Variants in FHOD3 observed in about 807,000 individuals in gnomAD.
The protein encoded by FHOD3 is formin homology 2 domain containing 3, also known as FH1/FH2 domain-containing protein 3.
Under a neutral mutation model 173.0 loss-of-function variants are expected in FHOD3, and 90 were observed. The observed-to-expected ratio is 0.52, with a 90% CI of 0.44 to 0.62. The LOEUF is 0.62. Ranked by LOEUF, FHOD3 falls within the 20% of genes least tolerant of loss-of-function variation. FHOD3 has a pLI of 0.00. For synonymous variants in FHOD3, 828 were observed against 823.0 expected, an observed-to-expected ratio of 1.01 and a Z score of -0.10; for missense variants, 1,945 against 2,034.7, an observed-to-expected ratio of 0.96 and a Z score of 0.85.
chr18:36,525,139 A>G (rs1297545049), intron 5 of FHOD3, among the ~76,000 whole-genome samples: 1 of 152,148 alleles, frequency 6.6e-6, no homozygotes, highest in Non-Finnish European at 1.5e-5. Flanking sequence ...ATATTATGGA[A>G]CCATGATTAG....
intron 5 of FHOD3, among the ~76,000 whole-genome samples, chr18:36,559,264 A>G (rs888211139): frequency 1.3e-5 from 2 of 152,074 alleles, no homozygotes; most frequent in Admixed American, 1.3e-4. Flanking sequence ...ACGACCCACA[A>G]CTGACTACTC....
chr18:36,463,152 C>T (rs1231839710), intron 3 of FHOD3, among the ~76,000 whole-genome samples: 1 of 151,778 alleles, frequency 6.6e-6, no homozygotes, highest in Non-Finnish European at 1.5e-5. Context: ...CACATATTAA[C>T]TAATTTAGAT....
intron 6 of FHOD3, among the ~76,000 whole-genome samples, chr18:36,576,872 G>C (rs1227430442): frequency 6.6e-6 from 1 of 152,204 alleles, no homozygotes; most frequent in Non-Finnish European, 1.5e-5. Context: ...CAAGGCCAAA[G>C]CGGGTGGATC....
chr18:36,556,053 G>T (rs2057867333), intron 5 of FHOD3, among the ~76,000 whole-genome samples: 1 of 151,948 alleles, frequency 6.6e-6, no homozygotes, highest in Admixed American at 6.6e-5. Flanking sequence ...ATATGGTTAG[G>T]TTTAAACCTG....
intron 27 of FHOD3, among the ~76,000 whole-genome samples, chr18:36,768,872 C>T (rs760603374): frequency 3.3e-5 from 5 of 152,228 alleles, no homozygotes; most frequent in African/African-American, 7.2e-5. Flanking sequence ...TGTGCATCAC[C>T]GGATATTGAT....
intron 15 of FHOD3, among the ~76,000 whole-genome samples, chr18:36,681,892 C>T (rs2038269597): frequency 6.6e-6 from 1 of 152,224 alleles, no homozygotes; most frequent in Admixed American, 6.5e-5. Flanking sequence ...TTTGCCATCT[C>T]TTCCTAATGG....
chr18:36,562,983 C>T (rs763074925), intron 5 of FHOD3, among the ~76,000 whole-genome samples: 3 of 152,156 alleles, frequency 2.0e-5, no homozygotes, highest in Non-Finnish European at 2.9e-5. Flanking sequence ...CCTGGGATGC[C>T]GGCCATCATG....
intron 3 of FHOD3, among the ~76,000 whole-genome samples, chr18:36,391,434 G>A (rs1051217723): frequency 6.6e-6 from 1 of 152,134 alleles, no homozygotes; most frequent in Non-Finnish European, 1.5e-5. Flanking sequence ...TTGTTCATGG[G>A]AATTTTTTCT....
intron 3 of FHOD3, among the ~76,000 whole-genome samples, chr18:36,419,050 A>G (rs985983880): frequency 6.6e-6 from 1 of 152,124 alleles, no homozygotes; most frequent in Non-Finnish European, 1.5e-5. Flanking sequence ...TATGGTTCTA[A>G]AAAGAACTTA....
intron 16 of FHOD3, 122 bp downstream of exon 16, chr18:36,687,300 C>A: frequency 1.4e-6 from 1 of 724,452 alleles, no homozygotes. Context: ...ACATAGCTGG[C>A]ATTTTGCAGA....
chr18:36,734,400 T>A (rs1455511107), intron 20 of FHOD3, among the ~76,000 whole-genome samples: 1 of 152,100 alleles, frequency 6.6e-6, no homozygotes, highest in African/African-American at 2.4e-5. Flanking sequence ...CAACCAAAAC[T>A]GTCTCCATAC....
chr18:36,645,374 G>A (rs188389754), intron 10 of FHOD3, among the ~76,000 whole-genome samples: 2 of 152,154 alleles, frequency 1.3e-5, no homozygotes, highest in Non-Finnish European at 2.9e-5. Context: ...GAACCAAGAT[G>A]GTGAGATTGT....
At chr18:36,360,791 T>A (rs1187690548) in intron 2 of FHOD3, among the ~76,000 whole-genome samples, 1 of 152,224 alleles carries the variant, frequency 6.6e-6, no homozygotes, top group Non-Finnish European at 1.5e-5. Flanking sequence ...AAGAGGTCTT[T>A]GCCTCTCAAA....
chr18:36,329,115 G>A (rs976115192), intron 1 of FHOD3, among the ~76,000 whole-genome samples: 3 of 152,104 alleles, frequency 2.0e-5, no homozygotes, highest in South Asian at 2.1e-4. Context: ...CATGCCCCAA[G>A]GGTCTTACCT....
At chr18:36,315,928 C>T (rs2044094752) in intron 1 of FHOD3, among the ~76,000 whole-genome samples, 1 of 152,138 alleles carries the variant, frequency 6.6e-6, no homozygotes, top group African/African-American at 2.4e-5. Flanking sequence ...GAAGTGGCAG[C>T]TCTCTGCCCG....
chr18:36,576,643 C>T (rs905096155), intron 6 of FHOD3, 98 bp downstream of exon 6: 23 of 872,850 alleles, frequency 2.6e-5, no homozygotes, highest in African/African-American at 1.9e-4. Context: ...TTTTATTCAG[C>T]TTTTTTCAAG....
intron 4 of FHOD3, 118 bp from the exon 5 acceptor site, chr18:36,512,320 G>T: frequency 1.4e-6 from 1 of 730,412 alleles, no homozygotes; most frequent in South Asian, 1.6e-5. Flanking sequence ...GAATACAGCA[G>T]AGCAATCTGT....
chr18:36,622,267 C>T (rs778270502), intron 9 of FHOD3, among the ~76,000 whole-genome samples: 1 of 152,138 alleles, frequency 6.6e-6, no homozygotes, highest in South Asian at 2.1e-4. Flanking sequence ...TATACCACAT[C>T]GTCCCTCTAG....
intron 1 of FHOD3, among the ~76,000 whole-genome samples, chr18:36,337,142 A>G (rs2145366123): frequency 6.6e-6 from 1 of 151,046 alleles, no homozygotes; most frequent in East Asian, 1.9e-4. Context: ...ACTGCACTCC[A>G]GCCTGGGTGA....
Sources: gnomAD v4.1 joint callset for allele counts (sites outside exome capture counted in the v4.1 genomes callset) on GRCh38, gnomAD v4.1.1 for gene constraint, MANE v1.5 for transcripts, NCBI Gene and HGNC (gene_info 2026-07-23, HGNC 2026-07-21) for gene names.